The following PCDHA6 variants were observed in gnomAD, a reference collection of about 807,000 sequenced individuals.
PCDHA6 encodes the protein protocadherin alpha-6.
In PCDHA6, 55 loss-of-function variants were observed where a neutral mutation model predicts 60.3. The ratio of observed to expected loss-of-function variants is 0.91; its 90% confidence interval spans 0.73 to 1.14. PCDHA6 has a LOEUF of 1.14. PCDHA6 is among the 50% of genes most tolerant of loss of function. PCDHA6 has a pLI of 0.00. For missense variants in PCDHA6, 1,327 were observed against 1,256.5 expected, an observed-to-expected ratio of 1.06 and a Z score of -0.85; for synonymous variants, 652 against 557.9, an observed-to-expected ratio of 1.17 and a Z score of -2.38.
intron 3 of PCDHA6, 123 bp from the exon 4 acceptor site, chr5:141,009,504 A>G: frequency 1.3e-6 from 2 of 1,497,074 alleles, no homozygotes; most frequent in Non-Finnish European, 1.8e-6. Flanking sequence ...ACTTGAACAA[A>G]CAACTCGTGA....
intron 1 of PCDHA6, chr5:140,836,297 T>A: frequency 1.2e-6 from 2 of 1,613,694 alleles, no homozygotes; most frequent in Non-Finnish European, 1.7e-6. Context: ...GAGCCCTAGA[T>A]GAGACGGACG....
intron 1 of PCDHA6, chr5:140,857,205 G>A: frequency 6.3e-7 from 1 of 1,598,596 alleles, no homozygotes; most frequent in African/African-American, 1.3e-5. Flanking sequence ...CAGGTCACCT[G>A]CTCTCTGACG....
intron 1 of PCDHA6, chr5:140,870,941 C>T: frequency 6.2e-7 from 1 of 1,613,712 alleles, no homozygotes; most frequent in Non-Finnish European, 8.5e-7. Context: ...TTGCAGCCGG[C>T]GGCGGGCGGC....
intron 1 of PCDHA6, chr5:140,968,319 TCAC>T: frequency 6.2e-7 from 1 of 1,613,996 alleles, no homozygotes; most frequent in East Asian, 2.2e-5. Flanking sequence ...GGGCTGCCAG[TCAC>T]CTCCTATGTC....
intron 1 of PCDHA6, among the ~76,000 whole-genome samples, chr5:140,896,969 CACAA>C (rs1554187153): frequency 2.0e-5 from 3 of 152,106 alleles, no homozygotes; most frequent in African/African-American, 7.2e-5. Context: ...TTATTCTTTG[CACAA>C]ACAAACCAGT....
chr5:140,867,666 C>T (rs2050094280), intron 1 of PCDHA6: 1 of 152,038 alleles, frequency 6.6e-6, no homozygotes, highest in Non-Finnish European at 1.5e-5. Context: ...ACTTTCTACT[C>T]TAAAATTTTG....
At chr5:140,878,859 C>T (rs2057755620) in intron 1 of PCDHA6, among the ~76,000 whole-genome samples, 1 of 152,188 alleles carries the variant, frequency 6.6e-6, no homozygotes, top group African/African-American at 2.4e-5. Flanking sequence ...TTCAACTGAT[C>T]CTCCATTTCA....
intron 1 of PCDHA6, among the ~76,000 whole-genome samples, chr5:140,974,549 T>C (rs373257165): frequency 6.6e-6 from 1 of 152,216 alleles, no homozygotes; most frequent in African/African-American, 2.4e-5. Context: ...TTTGCTCTTG[T>C]TGCCCAGGCT....
In PCDHA6 at chr5:140,835,680, C is replaced by A. The variant is rs2150241824; in HGVS notation, c.2394+5195C>A. ...GGTTACCGCGCGGGACGGGGGCTCGCCTTCTCTGTGGGCCACTGCTAGCGT... is the reference window on the plus strand; with the variant it reads ...GGTTACCGCGCGGGACGGGGGCTCGACTTCTCTGTGGGCCACTGCTAGCGT... On this transcript the variant is annotated intron_variant, in intron 1 of 3. Coordinates refer to ENST00000529310, the MANE Select transcript of PCDHA6 (RefSeq NM_018909.4). The A allele has an allele frequency of 5.6e-6, 9 of 1,613,886 alleles. No homozygotes were observed. The Admixed American group carries it at 1.5e-4, about 27-fold the overall frequency.
rs375103611 is a variant in PCDHA6 at position 140,888,367 on chromosome 5, A to G, written c.2394+57882A>G. ...AGGGAATTGCTACTGGCATCTAATAATGGAGCTCTGAGATGCTGCTAAACA... is the reference window on the plus strand; with the variant it reads ...AGGGAATTGCTACTGGCATCTAATAGTGGAGCTCTGAGATGCTGCTAAACA... On this transcript the variant is annotated intron_variant, in intron 1 of 3. Coordinates refer to ENST00000529310, the MANE Select transcript of PCDHA6 (RefSeq NM_018909.4). 3.2e-4 allele frequency among the ~76,000 whole-genome samples: 49 copies of G among 152,322 alleles called. 1 individual carries two copies. In the East Asian group the frequency reaches 7.7e-3, roughly 24 times the overall value.
intron 1 of PCDHA6, chr5:140,843,311 A>T: frequency 6.3e-7 from 1 of 1,595,942 alleles, no homozygotes; most frequent in Non-Finnish European, 8.6e-7. Flanking sequence ...CGCCACGGCC[A>T]CGGTTCTGGT....
intron 1 of PCDHA6, among the ~76,000 whole-genome samples, chr5:140,905,589 G>T (rs1336272963): frequency 4.6e-5 from 7 of 152,084 alleles, no homozygotes; most frequent in African/African-American, 1.7e-4. Context: ...ATGATATTTT[G>T]CTGGGAATTG....
chr5:140,837,617 C>T (rs1249058339), intron 1 of PCDHA6, among the ~76,000 whole-genome samples: 2 of 146,230 alleles, frequency 1.4e-5, no homozygotes, highest in Non-Finnish European at 3.0e-5. Flanking sequence ...TAATTTGCCC[C>T]TTCCTTCCTT....
intron 1 of PCDHA6, chr5:140,843,199 G>C (rs2150355178): frequency 6.3e-7 from 1 of 1,596,082 alleles, no homozygotes; most frequent in South Asian, 1.1e-5. Flanking sequence ...GCGTGGGGCT[G>C]TACACGGGCG....
At chr5:140,961,984 C>T (rs1037951528) in intron 1 of PCDHA6, among the ~76,000 whole-genome samples, 69 of 151,884 alleles carry the variant, frequency 4.5e-4, no homozygotes, top group African/African-American at 1.5e-3. Context: ...CCTGGGTTCA[C>T]GCCATTGTCC....
At position 140,850,219 on chromosome 5, in the gene PCDHA6, G is replaced by A. The variant is rs201367294; in HGVS notation, c.2394+19734G>A. On this transcript the variant is annotated intron_variant, in intron 1 of 3. Coordinates refer to ENST00000529310, the MANE Select transcript of PCDHA6 (RefSeq NM_018909.4). ...ACACCTCGGATGAGGGGCACTGACG[G>A]CGCAGTGAGCGAGATGGTGCTGCGG... 1.1e-5 allele frequency: 17 copies of A among 1,593,552 alleles called. 1 individual carries two copies. The highest frequency in any genetic ancestry group is 1.3e-5 in the African/African-American group (1 of 74,312).
In PCDHA6 at chr5:140,830,011, G is replaced by T. The variant is rs2150179426; in HGVS notation, c.1920G>T (p.Ala640=). The change falls in exon 1 of 4, where the codon GCG becomes GCT. Residue 640 remains alanine, a synonymous_variant. Coordinates refer to ENST00000529310, the MANE Select transcript of PCDHA6 (RefSeq NM_018909.4). ...GCACCACTCGTGTCCTGGACGAAGC[G>T]GACTCTCCGCGCCACCGGCTGCTGG... ...EISTTRVLDE[A]DSPRHRLLVL... The T allele has an allele frequency of 1.1e-5, 17 of 1,613,912 alleles. No individual in the cohort carries two copies. In the East Asian group the frequency reaches 3.6e-4, roughly 34 times the overall value.
intron 1 of PCDHA6, chr5:140,857,093 G>T (rs1554149523): frequency 6.3e-7 from 1 of 1,597,336 alleles, no homozygotes; most frequent in Admixed American, 1.7e-5. Flanking sequence ...TTCACCTGAG[G>T]TGATTGTCAC....
intron 1 of PCDHA6, among the ~76,000 whole-genome samples, chr5:140,840,200 G>T (rs1412931294): frequency 6.6e-6 from 1 of 151,990 alleles, no homozygotes; most frequent in South Asian, 2.1e-4. Flanking sequence ...CAAAGGAAAA[G>T]AAGTCATAAA....
Sources: allele counts gnomAD v4.1 joint callset (sites outside exome capture counted in the v4.1 genomes callset), GRCh38; gene constraint gnomAD v4.1.1; transcripts MANE v1.5; gene names NCBI Gene and HGNC (gene_info 2026-07-23, HGNC 2026-07-21).